MSRA: variants seen among roughly 807,000 people sequenced by gnomAD.
MSRA encodes mitochondrial peptide methionine sulfoxide reductase.
Under a neutral mutation model 31.3 loss-of-function variants are expected in MSRA, and 54 were observed. The observed-to-expected ratio is 1.73, with a 90% CI of 1.39 to 2.17. The LOEUF (loss-of-function observed/expected upper bound fraction) is 2.17. MSRA is among the 30% of genes most tolerant of loss of function. The pLI is 0.00. For missense variants in MSRA, 507 were observed against 300.9 expected (o/e 1.69, Z -5.07); for synonymous variants, 169 against 116.5 (o/e 1.45, Z -2.90).
intron 1 of MSRA, among the ~76,000 whole-genome samples, chr8:10,109,753 A>G (rs1318384898): frequency 6.6e-6 from 1 of 152,204 alleles, no homozygotes; most frequent in Non-Finnish European, 1.5e-5. Flanking sequence ...ATGATGAAGC[A>G]TTTTAATGAG....
chr8:10,289,691 C>G (rs1800128204), intron 3 of MSRA, among the ~76,000 whole-genome samples: 1 of 152,192 alleles, frequency 6.6e-6, no homozygotes, highest in African/African-American at 2.4e-5. Flanking sequence ...AAGACCCCTT[C>G]TATTATCATG....
intron 2 of MSRA, among the ~76,000 whole-genome samples, chr8:10,211,619 C>G (rs749238352): frequency 1.3e-5 from 2 of 152,130 alleles, no homozygotes; most frequent in Non-Finnish European, 2.9e-5. Flanking sequence ...CTTTAGAGCG[C>G]CCGCCCTGTG....
intron 1 of MSRA, among the ~76,000 whole-genome samples, chr8:10,116,182 C>T (rs774619241): frequency 1.4e-4 from 21 of 152,184 alleles, no homozygotes; most frequent in South Asian, 1.2e-3. Context: ...TTGTCCAACC[C>T]GTGGGCCACA....
At chr8:10,294,118 T>G (rs1156400194) in intron 3 of MSRA, among the ~76,000 whole-genome samples, 1 of 152,170 alleles carries the variant, frequency 6.6e-6, no homozygotes, top group African/African-American at 2.4e-5. Flanking sequence ...GCAGAATTGC[T>G]TGAACCTGGG....
rs370097655 is a variant in MSRA, at chr8:10,168,863, A to C, written c.143-38970A>C. On this transcript the variant is annotated intron_variant, in intron 1 of 5. Transcript: ENST00000317173. ...CTAGGACATCTTGAACATGCTAAATATGTATCAATACACCTGATATATTGT... is the reference window on the plus strand; with the variant it reads ...CTAGGACATCTTGAACATGCTAAATCTGTATCAATACACCTGATATATTGT... 3.3e-5 allele frequency among the ~76,000 whole-genome samples: 5 copies of C among 152,348 alleles called. No individual in the cohort carries two copies. In the South Asian group the frequency reaches 6.2e-4, roughly 19 times the overall value.
At position 10,243,520 on chromosome 8, in the gene MSRA, C is replaced by G. The variant is rs1340878017; in HGVS notation, c.212-1584C>G. Among the ~76,000 whole-genome samples the G allele has an allele frequency of 2.6e-5, 4 of 152,216 alleles. No individual in the cohort carries two copies. The East Asian group carries it at 7.7e-4, about 29-fold the overall frequency. On this transcript the variant is annotated intron_variant, in intron 2 of 5. Transcript: ENST00000317173. ...TAGCAGCAAGCAATTCACTTGTAAA[C>G]TGGTATAGTGGCGGGTAACATAAGC...
Position 10,179,334 on chromosome 8 carries a change from C to T in MSRA, c.143-28499C>T, listed in dbSNP as rs555291929. 2.7e-4 allele frequency among the ~76,000 whole-genome samples: 41 copies of T among 152,282 alleles called. 1 individual carries two copies. The South Asian group carries it at 7.7e-3, about 28-fold the overall frequency. ...ACAGGGTTCATCTTCTCTTTCTAATCGTGGGACTTTGGGCTGTAAGGGTTG... is the reference window on the plus strand; with the variant it reads ...ACAGGGTTCATCTTCTCTTTCTAATTGTGGGACTTTGGGCTGTAAGGGTTG... On this transcript the variant is annotated intron_variant, in intron 1 of 5. Transcript: ENST00000317173.
intron 1 of MSRA, among the ~76,000 whole-genome samples, chr8:10,061,776 G>A (rs1217386115): frequency 6.6e-6 from 1 of 152,188 alleles, no homozygotes; most frequent in Admixed American, 6.5e-5. Flanking sequence ...TTCCAGTAGT[G>A]GTGATAGATT....
intron 3 of MSRA, among the ~76,000 whole-genome samples, chr8:10,254,737 C>A (rs933249926): frequency 2.6e-5 from 4 of 152,220 alleles, no homozygotes; most frequent in African/African-American, 9.6e-5. Context: ...AAGACTGTCT[C>A]CTTCTAAGCC....
At chr8:10,213,162 A>G (rs1316114097) in intron 2 of MSRA, among the ~76,000 whole-genome samples, 1 of 152,098 alleles carries the variant, frequency 6.6e-6, no homozygotes. Context: ...TTTTGCATCC[A>G]TTAACGATCC....
intron 3 of MSRA, among the ~76,000 whole-genome samples, chr8:10,274,115 G>C (rs1001002999): frequency 1.3e-4 from 20 of 152,174 alleles, no homozygotes; most frequent in African/African-American, 4.8e-4. Flanking sequence ...CAATTTACAA[G>C]GCCCAGTGCT....
chr8:10,211,225 G>T lies in MSRA; in HGVS notation c.211+3324G>T, dbSNP rs62491576. 5.3e-3 allele frequency among the ~76,000 whole-genome samples: 810 copies of T among 152,274 alleles called. 2 individuals are homozygous for T. Among genetic ancestry groups the T allele is most frequent in the Non-Finnish European group, 8.2e-3 (555 of 68,022 alleles). On this transcript the variant is annotated intron_variant, in intron 2 of 5. Coordinates refer to ENST00000317173, the MANE Select transcript of MSRA (RefSeq NM_012331.5). ...ATAAAGGCATTCCAGTGTGAAAAAT[G>T]CATGAATGGTCATATCAAGGGATCA...
chr8:10,306,756 G>A lies in MSRA; in HGVS notation c.436+5118G>A, dbSNP rs181423938. Among the ~76,000 whole-genome samples the A allele has an allele frequency of 9.9e-4, 150 of 152,164 alleles. 1 individual carries two copies. The highest frequency in any genetic ancestry group is 7.9e-4 in the Admixed American group (12 of 15,286). On this transcript the variant is annotated intron_variant, in intron 4 of 5. Transcript: ENST00000317173. ...GACCTCCTAGTCCTGCGTGGGACTCGGGGCACAGACTGAGTGCCTCGAGCC... is the reference window on the plus strand; with the variant it reads ...GACCTCCTAGTCCTGCGTGGGACTCAGGGCACAGACTGAGTGCCTCGAGCC...
At chr8:10,214,231 G>T (rs1398267211) in intron 2 of MSRA, among the ~76,000 whole-genome samples, 2 of 152,154 alleles carry the variant, frequency 1.3e-5, no homozygotes, top group African/African-American at 4.8e-5. Flanking sequence ...ACAGCTGTGT[G>T]AATGGACAGG....
chr8:10,340,184 G>T (rs1342749358), intron 5 of MSRA, among the ~76,000 whole-genome samples: 3 of 152,172 alleles, frequency 2.0e-5, no homozygotes, highest in Non-Finnish European at 4.4e-5. Context: ...GGAGACCACA[G>T]TGACACACCT....
intron 5 of MSRA, among the ~76,000 whole-genome samples, chr8:10,425,489 ACCCACTTC>A (rs1181954137): frequency 2.0e-5 from 3 of 152,142 alleles, no homozygotes; most frequent in South Asian, 2.1e-4. Flanking sequence ...CCCTGCGTGG[ACCCACTTC>A]CTCCCACGCT....
At chr8:10,281,556 G>C (rs1585354122) in intron 3 of MSRA, among the ~76,000 whole-genome samples, 1 of 152,206 alleles carries the variant, frequency 6.6e-6, no homozygotes, top group African/African-American at 2.4e-5. Context: ...CAATGCAAGT[G>C]CAGTGAACAT....
intron 5 of MSRA, among the ~76,000 whole-genome samples, chr8:10,407,888 A>G (rs1483178384): frequency 6.6e-6 from 1 of 152,240 alleles, no homozygotes; most frequent in Non-Finnish European, 1.5e-5. Flanking sequence ...TAAAGTATCA[A>G]TTCTGAGAAT....
At chr8:10,265,453 G>C (rs1405825287) in intron 3 of MSRA, among the ~76,000 whole-genome samples, 3 of 152,090 alleles carry the variant, frequency 2.0e-5, no homozygotes, top group Admixed American at 6.5e-5. Context: ...CAGCTGAAAG[G>C]GCCTTTGGAA....
Sources: allele counts gnomAD v4.1 joint callset (sites outside exome capture counted in the v4.1 genomes callset), GRCh38; gene constraint gnomAD v4.1.1; transcripts MANE v1.5; gene names NCBI Gene and HGNC (gene_info 2026-07-23, HGNC 2026-07-21).